Variants in RAD51B observed in about 807,000 individuals in gnomAD.
The protein encoded by RAD51B is RAD51 paralog B.
Under a neutral mutation model 42.2 loss-of-function variants are expected in RAD51B, and 38 were observed. The observed-to-expected ratio is 0.90, with a 90% CI of 0.70 to 1.18. The LOEUF (loss-of-function observed/expected upper bound fraction) is 1.18, where lower values mean the gene tolerates loss of function less well. Ranked by LOEUF, RAD51B falls within the 50% of genes most tolerant of loss-of-function variation. The probability of loss-of-function intolerance (pLI) is 0.00; values close to 1 mark genes in which losing one functional copy is unlikely to be tolerated. For synonymous variants in RAD51B, 154 were observed against 145.2 expected (o/e 1.06, Z -0.43); for missense variants, 373 against 400.7 (o/e 0.93, Z 0.59).
At chr14:68,591,008 C>T (rs72729537) in intron 10 of RAD51B, among the ~76,000 whole-genome samples, 44,021 of 152,106 alleles carry the variant, frequency 0.29, 6,721 homozygotes, top group East Asian at 0.5. Flanking sequence ...TCCTGCCCTG[C>T]CCAACCTCAT....
At chr14:68,434,025 C>G (rs1335465755) in intron 9 of RAD51B, among the ~76,000 whole-genome samples, 8 of 152,210 alleles carry the variant, frequency 5.3e-5, no homozygotes, top group African/African-American at 1.7e-4. Flanking sequence ...CCCTGTTTGC[C>G]TGGGTATCTG....
intron 7 of RAD51B, among the ~76,000 whole-genome samples, chr14:68,181,019 G>C (rs146794869): frequency 6.6e-6 from 1 of 152,320 alleles, no homozygotes; most frequent in Non-Finnish European, 1.5e-5. Context: ...AGGGCACATA[G>C]CCTAATGCTA....
intron 7 of RAD51B, among the ~76,000 whole-genome samples, chr14:68,099,925 A>T (rs1426513429): frequency 2.6e-5 from 4 of 152,206 alleles, no homozygotes; most frequent in Non-Finnish European, 1.5e-5. Flanking sequence ...GTGGCAGCTC[A>T]CTTGACAGGC....
chr14:67,865,152 A>AC lies in RAD51B; in HGVS notation c.452+13_452+14insC. 6.4e-7 allele frequency: 1 copy of AC among 1,571,380 alleles called. No homozygotes were observed. The highest frequency in any genetic ancestry group is 1.2e-5 in the South Asian group (1 of 85,298). ...TTAGTGCTGAAAGGTATGAGATTTTATTTTCTATTATAATGTTTTACTTTT... is the reference window on the plus strand; with the variant it reads ...TTAGTGCTGAAAGGTATGAGATTTTACTTTTCTATTATAATGTTTTACTTTT... On this transcript the variant is annotated intron_variant, in intron 5 of 10. Coordinates refer to ENST00000471583, the MANE Select transcript of RAD51B (RefSeq NM_133510.4).
intron 7 of RAD51B, among the ~76,000 whole-genome samples, chr14:68,074,937 C>A (rs527766964): frequency 6.6e-6 from 1 of 152,346 alleles, no homozygotes; most frequent in Admixed American, 6.5e-5. Context: ...TTTCAGTGGT[C>A]TGAGAATGTC....
intron 11 of RAD51B, among the ~76,000 whole-genome samples, chr14:68,674,085 A>G (rs1893250415): frequency 6.6e-6 from 1 of 152,156 alleles, no homozygotes; most frequent in Admixed American, 6.5e-5. Flanking sequence ...CATACTGTAC[A>G]CAGGTATACG....
intron 7 of RAD51B, among the ~76,000 whole-genome samples, chr14:68,214,424 T>A (rs1337246915): frequency 6.6e-6 from 1 of 152,084 alleles, no homozygotes; most frequent in Non-Finnish European, 1.5e-5. Context: ...TTGGCCTCTG[T>A]ACAGAATGAT....
At chr14:68,258,407 CCACACACACACA>C (rs368278669) in intron 7 of RAD51B, among the ~76,000 whole-genome samples, 1 of 146,916 alleles carries the variant, frequency 6.8e-6, no homozygotes, top group Non-Finnish European at 1.5e-5. Flanking sequence ...TACACACACA[CCACACACACACA>C]CACACACACA....
intron 7 of RAD51B, among the ~76,000 whole-genome samples, chr14:68,262,935 A>T (rs2080918029): frequency 1.3e-5 from 2 of 152,088 alleles, no homozygotes; most frequent in African/African-American, 4.8e-5. Flanking sequence ...GTTTCTTTGG[A>T]TCTTGATTTC....
intron 7 of RAD51B, among the ~76,000 whole-genome samples, chr14:68,231,349 T>A (rs1012856071): frequency 6.6e-6 from 1 of 152,208 alleles, no homozygotes; most frequent in African/African-American, 2.4e-5. Flanking sequence ...TCTAAATCTT[T>A]CCTCCAACCT....
At chr14:67,951,160 G>C (rs1266460372) in intron 7 of RAD51B, among the ~76,000 whole-genome samples, 2 of 152,342 alleles carry the variant, frequency 1.3e-5, no homozygotes, top group Non-Finnish European at 2.9e-5. Context: ...GACTTGCTCA[G>C]TGCATGGTTG....
intron 8 of RAD51B, among the ~76,000 whole-genome samples, chr14:68,297,671 A>G (rs541373338): frequency 6.6e-6 from 1 of 152,358 alleles, no homozygotes; most frequent in South Asian, 2.1e-4. Context: ...CTAAGGTGTC[A>G]CCATGTGACT....
chr14:68,537,766 G>A (rs888370672), intron 10 of RAD51B, among the ~76,000 whole-genome samples: 1 of 151,964 alleles, frequency 6.6e-6, no homozygotes, highest in African/African-American at 2.4e-5. Flanking sequence ...TGTGTCTATG[G>A]CAGTTTTTTT....
intron 7 of RAD51B, among the ~76,000 whole-genome samples, chr14:68,279,644 G>T (rs368631990): frequency 1.3e-5 from 2 of 152,088 alleles, no homozygotes; most frequent in Non-Finnish European, 2.9e-5. Flanking sequence ...TACTTCATGC[G>T]CTGGTTCCCA....
intron 7 of RAD51B, among the ~76,000 whole-genome samples, chr14:68,221,464 G>A (rs978912053): frequency 6.6e-6 from 1 of 152,204 alleles, no homozygotes; most frequent in African/African-American, 2.4e-5. Context: ...TCAACAAATG[G>A]TGCTGGGATA....
intron 8 of RAD51B, among the ~76,000 whole-genome samples, chr14:68,374,411 A>G (rs948435424): frequency 6.6e-6 from 1 of 152,210 alleles, no homozygotes; most frequent in Admixed American, 6.5e-5. Context: ...GAAGGCATGC[A>G]TGTTCCTGAC....
At chr14:68,199,120 G>C (rs2079432165) in intron 7 of RAD51B, among the ~76,000 whole-genome samples, 1 of 151,994 alleles carries the variant, frequency 6.6e-6, no homozygotes, top group African/African-American at 2.4e-5. Context: ...CATGATTTTT[G>C]TATCTTTTCT....
At chr14:68,113,774 C>A (rs541416893) in intron 7 of RAD51B, 1 of 152,138 alleles carries the variant, frequency 6.6e-6, no homozygotes, top group South Asian at 2.1e-4. Flanking sequence ...CATTGATAGG[C>A]TTTATCTTAA....
At position 68,250,458 on chromosome 14, in the gene RAD51B, A is replaced by T. The variant is rs537085441; in HGVS notation, c.757-41426A>T. ...TAATGCCTGAGATATCAAGCTATACAGTTTACTTTTAAGGGAAACAATCAC... is the reference window on the plus strand; with the variant it reads ...TAATGCCTGAGATATCAAGCTATACTGTTTACTTTTAAGGGAAACAATCAC... On this transcript the variant is annotated intron_variant, in intron 7 of 10. Transcript: ENST00000471583. 4.6e-5 allele frequency among the ~76,000 whole-genome samples: 7 copies of T among 152,358 alleles called. No individual in the cohort carries two copies. In the East Asian group the frequency reaches 1.3e-3, roughly 29 times the overall value.
Sources: allele counts gnomAD v4.1 joint callset (sites outside exome capture counted in the v4.1 genomes callset), GRCh38; gene constraint gnomAD v4.1.1; transcripts MANE v1.5; gene names NCBI Gene and HGNC (gene_info 2026-07-23, HGNC 2026-07-21).